Variants in RIOK1 observed in about 807,000 individuals in gnomAD.
RIOK1 encodes RIO kinase 1, also known as serine/threonine-protein kinase RIO1.
RIOK1 carries 66 observed loss-of-function variants against 73.5 expected under a neutral mutation model. The observed-to-expected ratio is 0.90, with a 90% CI of 0.74 to 1.10. The LOEUF (loss-of-function observed/expected upper bound fraction) is 1.10. Among genes scored for constraint, RIOK1 ranks in the 50% least tolerant of loss-of-function variants. The probability of loss-of-function intolerance (pLI) is 0.00; values close to 1 mark genes in which losing one functional copy is unlikely to be tolerated. For synonymous variants in RIOK1, 224 were observed against 226.8 expected, an observed-to-expected ratio of 0.99 and a Z score of 0.11; for missense variants, 658 against 699.8, an observed-to-expected ratio of 0.94 and a Z score of 0.67.
chr6:7,405,723 C>T (rs1397056139), intron 12 of RIOK1, among the ~76,000 whole-genome samples: 5 of 150,698 alleles, frequency 3.3e-5, no homozygotes, highest in African/African-American at 1.2e-4. Flanking sequence ...TTCCTTCCTA[C>T]TTAACAGATG....
intron 6 of RIOK1, 44 bp from the exon 7 acceptor site, chr6:7,402,559 A>G (rs373996100): frequency 2.0e-5 from 28 of 1,429,390 alleles, no homozygotes; most frequent in Non-Finnish European, 2.6e-5. Flanking sequence ...AAAAGTGGTT[A>G]TTTAACATAA....
chr6:7,413,899 C>T (rs371357711), intron 15 of RIOK1, among the ~76,000 whole-genome samples: 34 of 152,316 alleles, frequency 2.2e-4, no homozygotes, highest in African/African-American at 7.5e-4. Flanking sequence ...TATAAATCTT[C>T]ATTTTCTACC....
chr6:7,396,567 A>G, intron 3 of RIOK1, 136 bp from the exon 4 acceptor site: 1 of 487,944 alleles, frequency 2.0e-6, no homozygotes, highest in Non-Finnish European at 3.7e-6. Flanking sequence ...TTCATTACTA[A>G]ACTGTATTCT....
chr6:7,405,453 T>C, intron 12 of RIOK1, 98 bp downstream of exon 12: 2 of 704,790 alleles, frequency 2.8e-6, no homozygotes, highest in South Asian at 1.8e-5. Flanking sequence ...GGATTTTGGA[T>C]TTTTTCCAGT....
intron 1 of RIOK1, chr6:7,392,824 A>T: frequency 1.9e-6 from 1 of 528,718 alleles, no homozygotes; most frequent in Non-Finnish European, 2.4e-6. Flanking sequence ...ATAACAATAT[A>T]ATTTCTAACT....
At chr6:7,393,625 T>C (rs1165998511) in intron 2 of RIOK1, among the ~76,000 whole-genome samples, 3 of 152,230 alleles carry the variant, frequency 2.0e-5, no homozygotes, top group Non-Finnish European at 4.4e-5. Context: ...GCCTCATTGG[T>C]AATTAAAGAA....
intron 1 of RIOK1, among the ~76,000 whole-genome samples, chr6:7,391,691 T>C (rs567658671): frequency 6.6e-6 from 1 of 152,334 alleles, no homozygotes; most frequent in Non-Finnish European, 1.5e-5. Context: ...CGTTTTTGTA[T>C]GTCACAGCTG....
intron 4 of RIOK1, among the ~76,000 whole-genome samples, chr6:7,398,001 G>A (rs1180304533): frequency 6.6e-6 from 1 of 152,164 alleles, no homozygotes; most frequent in African/African-American, 2.4e-5. Flanking sequence ...AATTAGCCGG[G>A]CTTGGCGGCG....
intron 4 of RIOK1, 84 bp downstream of exon 4, chr6:7,396,856 G>C: frequency 1.3e-6 from 1 of 755,236 alleles, no homozygotes. Flanking sequence ...TTTTACAGAG[G>C]ATGTTCATTT....
chr6:7,397,746 T>G (rs1761507544), intron 4 of RIOK1, among the ~76,000 whole-genome samples: 2 of 152,252 alleles, frequency 1.3e-5, no homozygotes, highest in Admixed American at 6.5e-5. Flanking sequence ...TCTTTGTGTT[T>G]AAACCTTTAT....
At chr6:7,405,133 T>G in intron 11 of RIOK1, 112 bp downstream of exon 11, 1 of 1,075,672 alleles carries the variant, frequency 9.3e-7, no homozygotes, top group Non-Finnish European at 1.4e-6. Context: ...CAGTGATGCT[T>G]AAACCATTTG....
chr6:7,406,614 G>A (rs1377573345), intron 12 of RIOK1, among the ~76,000 whole-genome samples: 1 of 152,160 alleles, frequency 6.6e-6, no homozygotes, highest in Non-Finnish European at 1.5e-5. Context: ...ATTTCACTTA[G>A]TATGATGTCT....
intron 1 of RIOK1, among the ~76,000 whole-genome samples, chr6:7,392,243 CAAAA>C (rs35570327): frequency 1.8e-4 from 20 of 110,760 alleles, no homozygotes; most frequent in Non-Finnish European, 2.8e-4. Context: ...TCTAATATGG[CAAAA>C]AAAAAAAAAA....
At position 7,404,895 on chromosome 6, in the gene RIOK1, G is replaced by C. The variant is rs374061819; in HGVS notation, c.993-23G>C. The C allele has an allele frequency of 3.2e-6, 5 of 1,580,860 alleles. No homozygotes were observed. The African/African-American group carries it at 6.7e-5, about 21-fold the overall frequency. On this transcript the variant is annotated intron_variant, in intron 10 of 16. Transcript: ENST00000379834. ...CATAGTAAAGTAATACCATCCCACA[G>C]CTTCTGTGTCTCTGGCCCATAGGTA...
At chr6:7,417,307 G>T in intron 16 of RIOK1, 24 bp from the exon 17 acceptor site, 1 of 1,413,910 alleles carries the variant, frequency 7.1e-7, no homozygotes, top group Non-Finnish European at 9.6e-7. Context: ...AATGAAAGTT[G>T]GCTTTTTTGT....
chr6:7,395,374 G>A (rs552550114), intron 3 of RIOK1, among the ~76,000 whole-genome samples: 20 of 152,064 alleles, frequency 1.3e-4, no homozygotes, highest in African/African-American at 2.7e-4. Context: ...TTAGCTGGGC[G>A]TGGTGGCACA....
intron 12 of RIOK1, among the ~76,000 whole-genome samples, chr6:7,409,604 G>A (rs981701788): frequency 6.6e-6 from 1 of 151,442 alleles, no homozygotes; most frequent in Non-Finnish European, 1.5e-5. Context: ...GGGATTACAG[G>A]CATGAGCCTG....
chr6:7,402,593 C>A lies in RIOK1; in HGVS notation c.574-10C>A. On this transcript the variant is annotated splice_polypyrimidine_tract_variant and intron_variant, in intron 6 of 16. Coordinates refer to ENST00000379834, the MANE Select transcript of RIOK1 (RefSeq NM_031480.3). ...AAACTTCATTTTCTTTTTTTTTTGACTTAATATAGGCTAATGTATACCATG... is the reference window on the plus strand; with the variant it reads ...AAACTTCATTTTCTTTTTTTTTTGAATTAATATAGGCTAATGTATACCATG... 2 of 1,541,820 alleles carry A rather than the reference C, an allele frequency of 1.3e-6. No individual in the cohort carries two copies. The highest frequency in any genetic ancestry group is 4.6e-5 in the East Asian group (2 of 43,886).
At chr6:7,399,392 G>A (rs1183731726) in intron 5 of RIOK1, among the ~76,000 whole-genome samples, 2 of 152,122 alleles carry the variant, frequency 1.3e-5, no homozygotes, top group African/African-American at 2.4e-5. Context: ...TCTGTGGTCT[G>A]TGTCTTCATT....
Sources: allele counts gnomAD v4.1 joint callset (sites outside exome capture counted in the v4.1 genomes callset), GRCh38; gene constraint gnomAD v4.1.1; transcripts MANE v1.5; gene names NCBI Gene and HGNC (gene_info 2026-07-23, HGNC 2026-07-21).